HEATR5B: variants seen among roughly 807,000 people sequenced by gnomAD.
HEATR5B encodes the protein HEAT repeat-containing protein 5B.
A neutral mutation model predicts 224.1 loss-of-function variants in HEATR5B; 156 were observed. The observed-to-expected ratio is 0.70, with a 90% CI of 0.61 to 0.80. The LOEUF is 0.80. Among genes scored for constraint, HEATR5B ranks in the 30% least tolerant of loss-of-function variants. The pLI is 0.00. For missense variants in HEATR5B, 2,323 were observed against 2,535.5 expected (o/e 0.92, Z 1.80); for synonymous variants, 1,027 against 893.0 (o/e 1.15, Z -2.68).
intron 8 of HEATR5B, among the ~76,000 whole-genome samples, chr2:37,068,412 G>T (rs1309656876): frequency 1.3e-5 from 2 of 152,164 alleles, no homozygotes; most frequent in African/African-American, 4.8e-5. Flanking sequence ...CAACCAATGT[G>T]CTGCTGCATG....
intron 6 of HEATR5B, among the ~76,000 whole-genome samples, chr2:37,070,824 A>G (rs952410896): frequency 2.0e-5 from 3 of 152,252 alleles, no homozygotes; most frequent in Non-Finnish European, 2.9e-5. Context: ...TCCCTAGTAC[A>G]GAGTTTCATA....
At chr2:36,993,587 G>A (rs967912029) in intron 33 of HEATR5B, among the ~76,000 whole-genome samples, 3 of 151,014 alleles carry the variant, frequency 2.0e-5, no homozygotes, top group African/African-American at 7.3e-5. Context: ...ACAGACAAGC[G>A]AGAAAGTCTC....
intron 21 of HEATR5B, among the ~76,000 whole-genome samples, chr2:37,035,459 C>T (rs1669418910): frequency 6.6e-6 from 1 of 152,158 alleles, no homozygotes; most frequent in African/African-American, 2.4e-5. Flanking sequence ...ACTACCCTGT[C>T]TTTCTTACTG....
intron 21 of HEATR5B, 101 bp downstream of exon 21, chr2:37,037,754 C>T (rs993411327): frequency 4.0e-6 from 3 of 743,266 alleles, no homozygotes; most frequent in South Asian, 5.1e-5. Context: ...ACCCCAAGTA[C>T]CCCAAAAATA....
chr2:37,027,875 T>G, intron 24 of HEATR5B, 48 bp downstream of exon 24: 1 of 1,590,646 alleles, frequency 6.3e-7, no homozygotes, highest in Non-Finnish European at 8.6e-7. Context: ...GCAAAATGTC[T>G]CAAGGTGTAA....
intron 17 of HEATR5B, among the ~76,000 whole-genome samples, chr2:37,051,896 C>T (rs754050191): frequency 2.0e-5 from 3 of 152,078 alleles, no homozygotes; most frequent in Non-Finnish European, 4.4e-5. Context: ...CCTGACACCA[C>T]GCCTGGCTAA....
intron 34 of HEATR5B, among the ~76,000 whole-genome samples, chr2:36,989,863 A>G (rs1041677314): frequency 1.4e-5 from 2 of 146,592 alleles, no homozygotes; most frequent in African/African-American, 5.1e-5. Context: ...GGAGACTCAG[A>G]TTCAGGAAGA....
chr2:37,064,734 T>C lies in HEATR5B; in HGVS notation c.1584+6A>G, dbSNP rs1671485504. ...AGCATTCCCAAGTCTAGGATCTCCG[T>C]CATACCTTTCCTTTGGCATGAGGAA... On this transcript the variant is annotated splice_donor_region_variant and intron_variant, in intron 10 of 35. Coordinates refer to ENST00000233099, the MANE Select transcript of HEATR5B (RefSeq NM_019024.3). The C allele has an allele frequency of 1.2e-5, 20 of 1,613,814 alleles. No homozygotes were observed. Among genetic ancestry groups the C allele is most frequent in the Non-Finnish European group, 1.4e-5 (17 of 1,179,860 alleles).
intron 16 of HEATR5B, among the ~76,000 whole-genome samples, chr2:37,054,480 ATT>A (rs11433192): frequency 0.12 from 9,277 of 74,954 alleles, 322 homozygotes; most frequent in African/African-American, 0.15. Context: ...TGTGCTCTGC[ATT>A]TTTTTTTTTT....
At chr2:37,022,111 C>A (rs981614425) in intron 24 of HEATR5B, among the ~76,000 whole-genome samples, 3 of 151,880 alleles carry the variant, frequency 2.0e-5, no homozygotes, top group Admixed American at 2.0e-4. Context: ...GGCTAATAAA[C>A]CTCTATCAAT....
chr2:36,989,828 A>G (rs1666198234), intron 34 of HEATR5B, among the ~76,000 whole-genome samples: 1 of 151,952 alleles, frequency 6.6e-6, no homozygotes, highest in African/African-American at 2.4e-5. Flanking sequence ...CATTTTAAAT[A>G]TACAGATCTT....
At chr2:37,005,806 TTA>T (rs757273657) in intron 29 of HEATR5B, 47 bp from the exon 30 acceptor site, 21 of 1,427,024 alleles carry the variant, frequency 1.5e-5, no homozygotes, top group East Asian at 2.3e-5. Flanking sequence ...ATAAAACACT[TTA>T]TGTTGTTTGA....
chr2:37,054,264 G>A (rs1272851641), intron 16 of HEATR5B, among the ~76,000 whole-genome samples: 1 of 143,432 alleles, frequency 7.0e-6, no homozygotes, highest in African/African-American at 2.6e-5. Flanking sequence ...GCGCGATCTC[G>A]GCTCACCACA....
chr2:36,983,676 A>T lies in HEATR5B; in HGVS notation c.5912-1882T>A, dbSNP rs192650608. On this transcript the variant is annotated intron_variant, in intron 35 of 35. Transcript: ENST00000233099. ...CTGGGAGGCAGAGGTCTCAGCGAGC[A>T]GAGATCGTGCCATTGCACTCCAGCA... is the stretch of plus-strand genomic sequence containing the variant. Among the ~76,000 whole-genome samples the T allele has an allele frequency of 4.0e-5, 6 of 151,748 alleles. No homozygotes were observed. The East Asian group carries it at 1.2e-3, about 30-fold the overall frequency.
chr2:36,984,984 A>C (rs1665849379), intron 35 of HEATR5B, among the ~76,000 whole-genome samples: 1 of 152,240 alleles, frequency 6.6e-6, no homozygotes, highest in Admixed American at 6.5e-5. Flanking sequence ...CAAGGAGTCA[A>C]ATATAATTCT....
chr2:37,050,561 G>A (rs1367778407), intron 17 of HEATR5B, among the ~76,000 whole-genome samples: 2 of 152,086 alleles, frequency 1.3e-5, no homozygotes, highest in Admixed American at 6.6e-5. Context: ...ACCATTAAAT[G>A]GATTGGTTCT....
At chr2:36,995,721 C>T (rs1197773069) in intron 33 of HEATR5B, among the ~76,000 whole-genome samples, 1 of 152,092 alleles carries the variant, frequency 6.6e-6, no homozygotes, top group African/African-American at 2.4e-5. Context: ...AAACATGGTA[C>T]TTAATAGATA....
At chr2:37,077,281 C>A (rs891619460) in intron 3 of HEATR5B, among the ~76,000 whole-genome samples, 1 of 151,858 alleles carries the variant, frequency 6.6e-6, no homozygotes, top group African/African-American at 2.4e-5. Context: ...TAAATCATAC[C>A]CATTCTTTGG....
At chr2:37,073,336 A>T (rs1375859710) in intron 5 of HEATR5B, among the ~76,000 whole-genome samples, 2 of 152,226 alleles carry the variant, frequency 1.3e-5, no homozygotes, top group Non-Finnish European at 2.9e-5. Context: ...GCAAACTAAA[A>T]AAGAAAAATC....
Sources: gnomAD v4.1 joint callset for allele counts (sites outside exome capture counted in the v4.1 genomes callset) on GRCh38, gnomAD v4.1.1 for gene constraint, MANE v1.5 for transcripts, NCBI Gene and HGNC (gene_info 2026-07-23, HGNC 2026-07-21) for gene names.